AMZ1: variants seen among roughly 807,000 people sequenced by gnomAD.
AMZ1 encodes the protein archaemetzincin-1.
A neutral mutation model predicts 29.9 loss-of-function variants in AMZ1; 39 were observed. The ratio of observed to expected loss-of-function variants is 1.30; its 90% CI spans 1.01 to 1.70. The LOEUF (loss-of-function observed/expected upper bound fraction) is 1.70. AMZ1 is among the 40% of genes most tolerant of loss of function. The pLI is 0.00. For synonymous variants in AMZ1, 458 were observed against 304.0 expected, an observed-to-expected ratio of 1.51 and a Z score of -5.27; for missense variants, 1,041 against 680.6, an observed-to-expected ratio of 1.53 and a Z score of -5.89.
Position 2,700,472 on chromosome 7 carries a change from ACAGGAGTTCAGCTTCGGGCCC to A in AMZ1, c.23_43del (p.Gln8_Pro14del). ...CCACCATGCTGCAGTGTAGACCCGC[ACAGGAGTTCAGCTTCGGGCCC>A]CGGGCCTTGAAGGACGCTCTGGTCT... is the stretch of plus-strand genomic sequence containing the variant. On this transcript the variant is annotated inframe_deletion, in exon 2 of 7. Transcript: ENST00000683327. 6.2e-7 allele frequency: 1 copy of A among 1,602,124 alleles called. No individual in the cohort carries two copies. The highest frequency in any genetic ancestry group is 1.1e-5 in the South Asian group (1 of 91,056).
upstream of AMZ1, among the ~76,000 whole-genome samples, chr7:2,687,361 C>A (rs566543893): frequency 6.6e-6 from 1 of 151,572 alleles, no homozygotes; most frequent in Non-Finnish European, 1.5e-5. Context: ...TGGTGTGGGA[C>A]GATGGTGACG....
chr7:2,715,868 G>A lies in AMZ1; in HGVS notation c.*2990G>A, dbSNP rs530595858. 6.6e-6 allele frequency: 1 copy of A among 152,286 alleles called. No homozygotes were observed. Among genetic ancestry groups the A allele is most frequent in the Admixed American group, 6.5e-5 (1 of 15,294 alleles). The allele number at this position is 152,286 out of a possible 1,614,324, so 9.4% of individuals were successfully genotyped here. ...TTAAGTGCTGCAGAAGTTGAACTGA[G>A]ATTAAATTTAGAGATGATGGTTTCC... On this transcript the variant is annotated 3_prime_UTR_variant, in exon 7 of 7. Transcript: ENST00000683327.
intron 1 of AMZ1, among the ~76,000 whole-genome samples, chr7:2,682,406 C>T (rs780589250): frequency 2.0e-5 from 3 of 152,192 alleles, no homozygotes; most frequent in Non-Finnish European, 4.4e-5. Flanking sequence ...GGCCTCAGGC[C>T]GATGCGAGGG....
Position 2,717,019 on chromosome 7 carries a change from C to T in AMZ1, c.*4141C>T, listed in dbSNP as rs950446125. 4.6e-5 allele frequency among the ~76,000 whole-genome samples: 7 copies of T among 152,186 alleles called. No homozygotes were observed. The highest frequency in any genetic ancestry group is 7.3e-5 in the Non-Finnish European group (5 of 68,046). ...TCTGAGCAGGAAGAGAGTAAGAAGG[C>T]GCACGGACGCGGGAGGCCTGCACCC... On this transcript the variant is annotated 3_prime_UTR_variant, in exon 7 of 7. Coordinates refer to ENST00000683327, the MANE Select transcript of AMZ1 (RefSeq NM_001384743.1).
At chr7:2,692,866 T>C (rs1787484344) in intron 1 of AMZ1, among the ~76,000 whole-genome samples, 1 of 152,164 alleles carries the variant, frequency 6.6e-6, no homozygotes, top group African/African-American at 2.4e-5. Context: ...CCCCTGTTCT[T>C]TCCCCCAATT....
upstream of AMZ1, among the ~76,000 whole-genome samples, chr7:2,687,954 C>T (rs1005934652): frequency 1.3e-5 from 2 of 152,232 alleles, no homozygotes; most frequent in African/African-American, 4.8e-5. Context: ...TGGGGAGGCA[C>T]GAACTGGCCC....
Position 2,731,527 on chromosome 7 carries a change from G to T in AMZ1, n.550+21711G>T, listed in dbSNP as rs1329158036. On this transcript the variant is annotated intron_variant and non_coding_transcript_variant, in intron 4 of 4. Transcript: ENST00000489665. This position sits in a 1 kb window ranked among gnomAD's most constrained non-coding sequence, Gnocchi z 6.0. The stretch of plus-strand genomic sequence containing the variant: ...GTTCATGGACTCCACCAGCCGGTTG[G>T]TGCGCCTGTCCTCCATGAGGACCTG... 6 of 1,612,384 alleles carry T rather than the reference G, an allele frequency of 3.7e-6. No homozygotes were observed. The highest frequency in any genetic ancestry group is 4.2e-6 in the Non-Finnish European group (5 of 1,178,888).
At chr7:2,725,108 G>A (rs1789565718) in intron 4 of AMZ1, among the ~76,000 whole-genome samples, 2 of 152,232 alleles carry the variant, frequency 1.3e-5, no homozygotes. Flanking sequence ...CTCCTGCTGG[G>A]TTCTGCGAGC....
chr7:2,721,818 GGT>G (rs1264909676), downstream of AMZ1, among the ~76,000 whole-genome samples: 1 of 151,812 alleles, frequency 6.6e-6, no homozygotes. Flanking sequence ...CAGGAAAACA[GGT>G]GTAATTTAAG....
At chr7:2,709,454 C>G (rs1247672872) in intron 5 of AMZ1, among the ~76,000 whole-genome samples, 186 bp from the exon 6 acceptor site, 2 of 111,092 alleles carry the variant, frequency 1.8e-5, no homozygotes, top group African/African-American at 2.9e-5. Flanking sequence ...CCCACCCTGA[C>G]TCACCTTTCC....
upstream of AMZ1, among the ~76,000 whole-genome samples, chr7:2,761,768 C>T (rs1156628566): frequency 3.9e-5 from 6 of 152,172 alleles, no homozygotes; most frequent in East Asian, 1.9e-4. Flanking sequence ...AAAAGAGCAT[C>T]GGCACTTCAC....
upstream of AMZ1, among the ~76,000 whole-genome samples, chr7:2,684,557 G>T (rs1327548603): frequency 6.6e-6 from 1 of 152,222 alleles, no homozygotes; most frequent in Non-Finnish European, 1.5e-5. Context: ...AAGGACAGGG[G>T]TCCCCATATC....
chr7:2,709,469 G>A (rs1205764942), intron 5 of AMZ1, among the ~76,000 whole-genome samples, 171 bp from the exon 6 acceptor site: 2 of 151,536 alleles, frequency 1.3e-5, no homozygotes, highest in Non-Finnish European at 2.9e-5. Flanking sequence ...CTTTCCCCTG[G>A]GGCCCTGAAA....
At position 2,717,105 on chromosome 7, in the gene AMZ1, G is replaced by T. The variant is rs1789170465; in HGVS notation, c.*4227G>T. ...GCCCCTCGGTTCTGATAACCAGGAG[G>T]CTTTCTGGCCCGTGCAGCTCCTTCG... On this transcript the variant is annotated 3_prime_UTR_variant, in exon 7 of 7. Transcript: ENST00000683327. Among the ~76,000 whole-genome samples, 1 of 152,226 alleles carries T rather than the reference G, an allele frequency of 6.6e-6. No homozygotes were observed. Among genetic ancestry groups the T allele is most frequent in the African/African-American group, 2.4e-5 (1 of 41,468 alleles).
intron 1 of AMZ1, among the ~76,000 whole-genome samples, chr7:2,689,005 A>G (rs2115040829): frequency 6.6e-6 from 1 of 152,252 alleles, no homozygotes; most frequent in African/African-American, 2.4e-5. Context: ...GAGGAGAGAG[A>G]ACAGGAAGCC....
In AMZ1 at chr7:2,717,964, G is replaced by A. The variant is rs533711688; in HGVS notation, c.*5086G>A. ...GATGAGGCAAATCCAAATAGTCACC[G>A]GAGTCGAGCAAACACGGCGGCCCCT... On this transcript the variant is annotated 3_prime_UTR_variant, in exon 7 of 7. Coordinates refer to ENST00000683327, the MANE Select transcript of AMZ1 (RefSeq NM_001384743.1). 4.6e-5 allele frequency among the ~76,000 whole-genome samples: 7 copies of A among 152,202 alleles called. No individual in the cohort carries two copies. Among genetic ancestry groups the A allele is most frequent in the Admixed American group, 6.5e-5 (1 of 15,284 alleles).
intron 1 of AMZ1, among the ~76,000 whole-genome samples, chr7:2,694,374 T>C (rs1443186804): frequency 1.3e-5 from 2 of 152,220 alleles, no homozygotes; most frequent in African/African-American, 2.4e-5. Flanking sequence ...AATCACGCCT[T>C]GGGCTTCCCT....
intron 1 of AMZ1, among the ~76,000 whole-genome samples, chr7:2,698,031 T>G (rs546607973): frequency 6.6e-6 from 1 of 152,306 alleles, no homozygotes; most frequent in South Asian, 2.1e-4. Context: ...TATATCAAAT[T>G]TATTTATGTA....
At chr7:2,748,888 C>A (rs1486771306) in intron 4 of AMZ1, among the ~76,000 whole-genome samples, 1 of 152,192 alleles carries the variant, frequency 6.6e-6, no homozygotes, top group African/African-American at 2.4e-5. Context: ...GACATTTATG[C>A]AGCCAAAAGA....
Sources: gnomAD v4.1 joint callset for allele counts (sites outside exome capture counted in the v4.1 genomes callset) on GRCh38, gnomAD v4.1.1 for gene constraint, Gnocchi (gnomAD v3.1) non-coding constraint, MANE v1.5 for transcripts, NCBI Gene and HGNC (gene_info 2026-07-23, HGNC 2026-07-21) for gene names.